The following ATP2B1 variants were observed in gnomAD, a reference collection of about 807,000 sequenced individuals.
The protein encoded by ATP2B1 is plasma membrane calcium-transporting ATPase 1.
Under a neutral mutation model 124.2 loss-of-function variants are expected in ATP2B1, and 14 were observed. That is an observed-to-expected ratio of 0.11 (90% CI 0.07 to 0.18). The LOEUF is 0.18. Ranked by LOEUF, ATP2B1 falls within the 10% of genes least tolerant of loss-of-function variation. The pLI, the probability that ATP2B1 is intolerant of heterozygous loss-of-function variation, is 1.00. For missense variants in ATP2B1, 763 were observed against 1,466.1 expected (o/e 0.52, Z 7.83); for synonymous variants, 449 against 492.4 (o/e 0.91, Z 1.17).
At position 89,600,799 on chromosome 12, in the gene ATP2B1, C is replaced by G. The variant is rs779705291; in HGVS notation, c.3168+527G>C. Among the ~76,000 whole-genome samples, 70 of 152,156 alleles carry G rather than the reference C, an allele frequency of 4.6e-4. 1 individual carries two copies. The highest frequency in any genetic ancestry group is 1.9e-3 in the South Asian group (9 of 4,800). ...AAGTAGCTGGGATTACAGGCGCCTG[C>G]CACCATGCCCAGCTAATTTTTATAC... On this transcript the variant is annotated intron_variant, in intron 19 of 20. Transcript: ENST00000428670.
At chr12:89,645,477 A>T (rs1015167312) in intron 2 of ATP2B1, among the ~76,000 whole-genome samples, 1 of 152,338 alleles carries the variant, frequency 6.6e-6, no homozygotes, top group Non-Finnish European at 1.5e-5. Flanking sequence ...AATTAAAATA[A>T]CTACAGACAA....
At chr12:89,669,523 T>G (rs757155137) in intron 1 of ATP2B1, among the ~76,000 whole-genome samples, 1 of 152,186 alleles carries the variant, frequency 6.6e-6, no homozygotes, top group Non-Finnish European at 1.5e-5. Context: ...CTGAACAACT[T>G]ACGTAGTGCT....
At chr12:89,677,954 T>TTATATATATATATATATA (rs61256358) in intron 1 of ATP2B1, among the ~76,000 whole-genome samples, 32 of 68,746 alleles carry the variant, frequency 4.7e-4, no homozygotes, top group African/African-American at 1.8e-3. Flanking sequence ...CATGCAGGAA[T>TTATATATATATATATATA]TATATATATA....
At chr12:89,625,938 T>C (rs2136120339) in intron 8 of ATP2B1, among the ~76,000 whole-genome samples, 1 of 152,334 alleles carries the variant, frequency 6.6e-6, no homozygotes, top group South Asian at 2.1e-4. Context: ...GGTCATGCTG[T>C]TTCTAACCTC....
At chr12:89,665,978 T>C (rs1353638724) in intron 1 of ATP2B1, among the ~76,000 whole-genome samples, 1 of 152,214 alleles carries the variant, frequency 6.6e-6, no homozygotes, top group Non-Finnish European at 1.5e-5. Flanking sequence ...ATAAGATTTA[T>C]TACAGTTCTT....
chr12:89,593,088 G>T (rs1247012934), intron 20 of ATP2B1, among the ~76,000 whole-genome samples: 3 of 151,916 alleles, frequency 2.0e-5, no homozygotes, highest in African/African-American at 7.3e-5. Context: ...TATTGCTCTT[G>T]TTCCTCTTCC....
chr12:89,588,617 AAG>A lies in ATP2B1; in HGVS notation c.*2365_*2366del, dbSNP rs1873039143. The A allele has an allele frequency of 6.6e-6, 1 of 152,548 alleles. No homozygotes were observed. The highest frequency in any genetic ancestry group is 1.5e-5 in the Non-Finnish European group (1 of 68,008). The allele number at this position is 152,548 out of a possible 1,614,324, so 9.4% of individuals were successfully genotyped here. A position where few individuals can be genotyped will look rare whatever the true frequency, so the allele number is the denominator to read the frequency against. On this transcript the variant is annotated 3_prime_UTR_variant, in exon 21 of 21. Transcript: ENST00000428670. ...TTCTGGTAGAAATTACAGTGTCTCA[AAG>A]AGAGAAATACACACTAAGCATGTCT... is the stretch of plus-strand genomic sequence containing the variant.
Position 89,630,465 on chromosome 12 carries a change from C to G in ATP2B1, c.928+40G>C, listed in dbSNP as rs1881668650. The G allele has an allele frequency of 2.1e-6, 3 of 1,436,246 alleles. No homozygotes were observed. The African/African-American group carries it at 4.4e-5, about 21-fold the overall frequency. The allele number at this position is 1,436,246 out of a possible 1,614,324, so 89.0% of individuals were successfully genotyped here. On this transcript the variant is annotated intron_variant, in intron 6 of 20. Coordinates refer to ENST00000428670, the MANE Select transcript of ATP2B1 (RefSeq NM_001366521.1). ...TACTAGTTCTTACAAATTATTTGCC[C>G]TATTTCCAAATACCAATTATAGAAA...
At chr12:89,637,543 C>T (rs546834854) in intron 3 of ATP2B1, among the ~76,000 whole-genome samples, 2 of 151,808 alleles carry the variant, frequency 1.3e-5, no homozygotes, top group African/African-American at 2.4e-5. Context: ...GACCACAAGG[C>T]GCATGCCACC....
At chr12:89,624,121 C>CT in intron 9 of ATP2B1, 62 bp downstream of exon 9, 1 of 1,432,562 alleles carries the variant, frequency 7.0e-7, no homozygotes, top group Non-Finnish European at 9.6e-7. Context: ...ACTAGATGGG[C>CT]ATTTTCTATA....
In ATP2B1 at chr12:89,677,969, TATAC is replaced by T. The variant is rs1378678710; in HGVS notation, c.-221-21866_-221-21863del. 5.2e-3 allele frequency among the ~76,000 whole-genome samples: 312 copies of T among 59,502 alleles called. 2 individuals carry two copies. Among genetic ancestry groups the T allele is most frequent in the Non-Finnish European group, 8.1e-3 (231 of 28,438 alleles). 39.0% of individuals were successfully genotyped at this position (59,502 alleles called of 152,430 possible). On this transcript the variant is annotated intron_variant, in intron 1 of 20. Coordinates refer to ENST00000428670, the MANE Select transcript of ATP2B1 (RefSeq NM_001366521.1). The stretch of plus-strand genomic sequence containing the variant: ...CATGCAGGAATTATATATATATATA[TATAC>T]ACACACACACACACACACACACACA...
intron 13 of ATP2B1, 200 bp from the exon 14 acceptor site, chr12:89,610,708 CTG>C (rs1877840692): frequency 1.9e-6 from 1 of 520,086 alleles, no homozygotes; most frequent in South Asian, 2.8e-5. Flanking sequence ...GCCCAGCAAT[CTG>C]TGTTTTAATA....
At chr12:89,675,274 T>C (rs930256440) in intron 1 of ATP2B1, among the ~76,000 whole-genome samples, 3 of 152,190 alleles carry the variant, frequency 2.0e-5, no homozygotes, top group South Asian at 4.1e-4. Context: ...AAACCTCCAT[T>C]TGTTCTAGCA....
At chr12:89,698,870 C>G (rs1350509719) in intron 1 of ATP2B1, among the ~76,000 whole-genome samples, 2 of 152,282 alleles carry the variant, frequency 1.3e-5, no homozygotes, top group African/African-American at 4.8e-5. Context: ...GACTGGTGAT[C>G]TTAACATAAA....
intron 2 of ATP2B1, among the ~76,000 whole-genome samples, chr12:89,652,362 A>G (rs1263822289): frequency 6.6e-6 from 1 of 152,340 alleles, no homozygotes; most frequent in African/African-American, 2.4e-5. Flanking sequence ...TAGAGGAAGT[A>G]TATAAAACAC....
intron 19 of ATP2B1, among the ~76,000 whole-genome samples, 174 bp downstream of exon 19, chr12:89,601,152 A>C (rs1382047100): frequency 2.6e-5 from 4 of 152,186 alleles, no homozygotes; most frequent in African/African-American, 9.6e-5. Flanking sequence ...CATAATGAAC[A>C]AGTGACATAC....
chr12:89,707,470 T>C (rs1029328217), intron 1 of ATP2B1, among the ~76,000 whole-genome samples: 2 of 152,080 alleles, frequency 1.3e-5, no homozygotes, highest in Non-Finnish European at 2.9e-5. Context: ...AAAAAATCTA[T>C]GTAGCTAATT....
intron 1 of ATP2B1, among the ~76,000 whole-genome samples, chr12:89,692,390 C>T (rs1380362840): frequency 6.6e-6 from 1 of 152,054 alleles, no homozygotes; most frequent in Non-Finnish European, 1.5e-5. Flanking sequence ...CAGGCTGGGA[C>T]GACTGTGTGG....
chr12:89,619,416 A>G (rs1879561849), intron 11 of ATP2B1, among the ~76,000 whole-genome samples: 1 of 152,230 alleles, frequency 6.6e-6, no homozygotes, highest in South Asian at 2.1e-4. Context: ...GTTCAAGACC[A>G]GCCTGGCCAA....
Sources: gnomAD v4.1 joint callset for allele counts (sites outside exome capture counted in the v4.1 genomes callset) on GRCh38, gnomAD v4.1.1 for gene constraint, MANE v1.5 for transcripts, NCBI Gene and HGNC (gene_info 2026-07-23, HGNC 2026-07-21) for gene names.